The following PBX1 variants were observed in gnomAD, a reference collection of about 807,000 sequenced individuals.
The protein encoded by PBX1 is PBX homeobox 1, also known as pre-B-cell leukemia transcription factor 1.
In PBX1, 6 loss-of-function variants were observed where a neutral mutation model predicts 53.4. That is an observed-to-expected ratio of 0.11 (90% CI 0.06 to 0.22). The LOEUF is 0.22. PBX1 is among the 10% of genes least tolerant of loss of function. The pLI is 1.00. For missense variants in PBX1, 251 were observed against 551.4 expected, an observed-to-expected ratio of 0.46 and a Z score of 5.46; for synonymous variants, 204 against 212.3, an observed-to-expected ratio of 0.96 and a Z score of 0.34.
intron 2 of PBX1, among the ~76,000 whole-genome samples, chr1:164,733,952 T>C (rs530890883): frequency 2.0e-5 from 3 of 152,356 alleles, no homozygotes; most frequent in Non-Finnish European, 2.9e-5. Context: ...AATTTTTTTC[T>C]GTGGTTGACT....
chr1:164,694,168 T>C (rs1242582249), intron 2 of PBX1, among the ~76,000 whole-genome samples: 1 of 152,190 alleles, frequency 6.6e-6, no homozygotes, highest in East Asian at 1.9e-4. Flanking sequence ...TCAGTCCTTA[T>C]TCTACACTCT....
chr1:164,645,803 G>T lies in PBX1; in HGVS notation c.265+82492G>T, dbSNP rs527925402. On this transcript the variant is annotated intron_variant, in intron 2 of 8. Coordinates refer to ENST00000420696, the MANE Select transcript of PBX1 (RefSeq NM_002585.4). ...ATGACAACACTAAGGTGATGTGACC[G>T]TCCTGAATTAAAGTTTTTCAGTGAT... 4.2e-4 allele frequency among the ~76,000 whole-genome samples: 64 copies of T among 152,308 alleles called. 2 individuals are homozygous for T. In the South Asian group the frequency reaches 0.013, roughly 32 times the overall value.
At chr1:164,609,417 T>C (rs551668122) in intron 2 of PBX1, among the ~76,000 whole-genome samples, 2 of 152,168 alleles carry the variant, frequency 1.3e-5, no homozygotes, top group Non-Finnish European at 2.9e-5. Context: ...AGGGGATAGA[T>C]GGCATGGCAG....
chr1:164,711,496 C>T (rs1413259474), intron 2 of PBX1, among the ~76,000 whole-genome samples: 1 of 152,212 alleles, frequency 6.6e-6, no homozygotes, highest in Non-Finnish European at 1.5e-5. Context: ...ATCTCCTGAC[C>T]TCGTGATCCA....
intron 2 of PBX1, among the ~76,000 whole-genome samples, chr1:164,709,204 T>C (rs961233415): frequency 2.6e-5 from 4 of 152,138 alleles, no homozygotes; most frequent in Admixed American, 2.6e-4. Flanking sequence ...TTTGTCTCTG[T>C]TGTGTAACTC....
intron 2 of PBX1, among the ~76,000 whole-genome samples, chr1:164,664,809 G>A (rs540813481): frequency 4.6e-5 from 7 of 152,258 alleles, no homozygotes; most frequent in Non-Finnish European, 5.9e-5. Context: ...GGAACTCCCC[G>A]TTGTAATACT....
chr1:164,810,599 C>CT (rs1184284335), intron 5 of PBX1, among the ~76,000 whole-genome samples: 1 of 152,010 alleles, frequency 6.6e-6, no homozygotes, highest in Non-Finnish European at 1.5e-5. Flanking sequence ...ATCTCCTTAC[C>CT]TTTTTTCTTC....
At chr1:164,832,433 A>G (rs1452744008) in intron 8 of PBX1, among the ~76,000 whole-genome samples, 1 of 152,178 alleles carries the variant, frequency 6.6e-6, no homozygotes, top group African/African-American at 2.4e-5. Flanking sequence ...TATTTGGTTA[A>G]CCTGCCTAGA....
chr1:164,870,274 TTTC>T (rs1672333363), intron 2 of PBX1, among the ~76,000 whole-genome samples: 1 of 23,352 alleles, frequency 4.3e-5, no homozygotes, highest in Non-Finnish European at 9.4e-5. Context: ...TCCTTCTTTC[TTTC>T]TTTCTTTCTT....
intron 2 of PBX1, among the ~76,000 whole-genome samples, chr1:164,617,129 T>G (rs1023013178): frequency 6.6e-6 from 1 of 152,218 alleles, no homozygotes; most frequent in Non-Finnish European, 1.5e-5. Context: ...TGCCTTTAAA[T>G]TTTTATCCCC....
At chr1:164,823,363 G>C (rs1181916794) in intron 8 of PBX1, among the ~76,000 whole-genome samples, 1 of 150,694 alleles carries the variant, frequency 6.6e-6, no homozygotes, top group Non-Finnish European at 1.5e-5. Flanking sequence ...ATACACACAT[G>C]CATTTATGTA....
chr1:164,563,350 C>A, intron 2 of PBX1, 39 bp downstream of exon 2: 1 of 1,319,796 alleles, frequency 7.6e-7, no homozygotes, highest in Non-Finnish European at 1.1e-6. Context: ...TTTTCTTTGG[C>A]CAATTAAATC....
chr1:164,583,622 T>C lies in PBX1; in HGVS notation c.265+20311T>C, dbSNP rs114044285. Among the ~76,000 whole-genome samples the C allele has an allele frequency of 3.2e-3, 493 of 152,310 alleles. 4 individuals carry two copies. Among genetic ancestry groups the C allele is most frequent in the African/African-American group, 0.011 (478 of 41,568 alleles). On this transcript the variant is annotated intron_variant, in intron 2 of 8. Coordinates refer to ENST00000420696, the MANE Select transcript of PBX1 (RefSeq NM_002585.4). ...GCCAGGAGGGACAGTCCCTGAGACA[T>C]ACGTGTAAAATGAAGAGTATAAAAA... is the stretch of plus-strand genomic sequence containing the variant.
In PBX1 at chr1:164,841,885, G is replaced by A. The variant is rs1309518996; in HGVS notation, c.1201-4699G>A. On this transcript the variant is annotated intron_variant, in intron 8 of 8. Coordinates refer to ENST00000420696, the MANE Select transcript of PBX1 (RefSeq NM_002585.4). ...CGTGCAGCTCCTCACCCACGCTGAAGGCATCTCTAGTAATGGCATCTGGCC... is the reference window on the plus strand; with the variant it reads ...CGTGCAGCTCCTCACCCACGCTGAAAGCATCTCTAGTAATGGCATCTGGCC... Among the ~76,000 whole-genome samples the A allele has an allele frequency of 2.0e-5, 3 of 152,248 alleles. No individual in the cohort carries two copies. The East Asian group carries it at 5.8e-4, about 29-fold the overall frequency.
At chr1:164,597,142 T>C (rs562659601) in intron 2 of PBX1, among the ~76,000 whole-genome samples, 1 of 152,264 alleles carries the variant, frequency 6.6e-6, no homozygotes, top group Non-Finnish European at 1.5e-5. Context: ...TGCTCAATGG[T>C]GTAACATTTC....
intron 2 of PBX1, among the ~76,000 whole-genome samples, chr1:164,858,563 C>T (rs142784432): frequency 3.6e-3 from 549 of 152,214 alleles, no homozygotes; most frequent in African/African-American, 0.013. Flanking sequence ...GGTCTCAAGC[C>T]TCACTAATGT....
intron 2 of PBX1, among the ~76,000 whole-genome samples, chr1:164,584,769 G>A (rs1242496134): frequency 2.0e-5 from 3 of 152,106 alleles, no homozygotes; most frequent in African/African-American, 4.8e-5. Flanking sequence ...AGTGGGAGAG[G>A]CGGAGGTGAG....
At chr1:164,880,311 G>A (rs1672616875) in intron 2 of PBX1, among the ~76,000 whole-genome samples, 1 of 152,166 alleles carries the variant, frequency 6.6e-6, no homozygotes, top group African/African-American at 2.4e-5. Flanking sequence ...CATGATGATA[G>A]GCTAATTATC....
chr1:164,820,613 G>A (rs997793676), intron 7 of PBX1, among the ~76,000 whole-genome samples: 4 of 151,994 alleles, frequency 2.6e-5, no homozygotes, highest in Non-Finnish European at 5.9e-5. Flanking sequence ...TATTACTATC[G>A]GACGTTTTCA....
Sources: gnomAD v4.1 joint callset for allele counts (sites outside exome capture counted in the v4.1 genomes callset) on GRCh38, gnomAD v4.1.1 for gene constraint, MANE v1.5 for transcripts, NCBI Gene and HGNC (gene_info 2026-07-23, HGNC 2026-07-21) for gene names.